NRDE2: variants seen among roughly 807,000 people sequenced by gnomAD.
The protein encoded by NRDE2 is NRDE-2, necessary for RNA interference, domain containing.
In NRDE2, 76 loss-of-function variants were observed where a neutral mutation model predicts 124.2. The observed-to-expected ratio is 0.61, with a 90% confidence interval of 0.51 to 0.74. The LOEUF (loss-of-function observed/expected upper bound fraction) is 0.74, where lower values mean the gene tolerates loss of function less well. Ranked by LOEUF, NRDE2 falls within the 30% of genes least tolerant of loss-of-function variation. The pLI, the probability that NRDE2 is intolerant of heterozygous loss-of-function variation, is 0.00. For synonymous variants in NRDE2, 489 were observed against 528.1 expected (o/e 0.93, Z 1.01); for missense variants, 1,314 against 1,417.3 (o/e 0.93, Z 1.17).
At chr14:90,282,966 G>C (rs1487532599) in intron 12 of NRDE2, among the ~76,000 whole-genome samples, 1 of 152,218 alleles carries the variant, frequency 6.6e-6, no homozygotes, top group Admixed American at 6.5e-5. Flanking sequence ...TGTTGCAAGA[G>C]TATATGTATG....
At chr14:90,278,849 C>G in intron 13 of NRDE2, 1 of 618,178 alleles carries the variant, frequency 1.6e-6, no homozygotes, top group Non-Finnish European at 2.9e-6. Flanking sequence ...GGCAACACTT[C>G]CATGAAGCAC....
intron 10 of NRDE2, 113 bp downstream of exon 10, chr14:90,290,108 G>A (rs1002124100): frequency 3.1e-5 from 35 of 1,141,582 alleles, no homozygotes; most frequent in Non-Finnish European, 4.3e-5. Flanking sequence ...CACTGGAGGA[G>A]GAGGTGCTGG....
At chr14:90,296,511 C>G (rs1165067083) in intron 8 of NRDE2, among the ~76,000 whole-genome samples, 1 of 152,188 alleles carries the variant, frequency 6.6e-6, no homozygotes, top group Non-Finnish European at 1.5e-5. Flanking sequence ...GGGCCCCTCT[C>G]GCTTCTTAGT....
Position 90,278,170 on chromosome 14 carries a change from A to C in NRDE2, c.*166T>G. 1 of 715,110 alleles carries C rather than the reference A, an allele frequency of 1.4e-6. No homozygotes were observed. Among genetic ancestry groups the C allele is most frequent in the Non-Finnish European group, 2.3e-6 (1 of 438,514 alleles). The allele number at this position is 715,110 out of a possible 1,614,324, so 44.3% of individuals were successfully genotyped here. A position where few individuals can be genotyped will look rare whatever the true frequency, so the allele number is the denominator to read the frequency against. ...TAACTTTTGTGTCATTTACACACCC[A>C]AAAAGTGTGCAAGATGTGAGAGGCT... On this transcript the variant is annotated 3_prime_UTR_variant, in exon 14 of 14. Transcript: ENST00000354366.
chr14:90,290,125 G>A (rs1319430653), intron 10 of NRDE2, 96 bp downstream of exon 10: 1 of 1,349,582 alleles, frequency 7.4e-7, no homozygotes, highest in Non-Finnish European at 1.0e-6. Context: ...CTGGGGCATA[G>A]TTCCAGGGAG....
At chr14:90,279,637 C>G (rs574303691) in intron 12 of NRDE2, 32 of 152,922 alleles carry the variant, frequency 2.1e-4, no homozygotes, top group South Asian at 1.4e-3. Flanking sequence ...GGTGCAAGTT[C>G]CATCGGCAAT....
At chr14:90,305,888 T>G (rs1412359026) in intron 4 of NRDE2, among the ~76,000 whole-genome samples, 2 of 152,190 alleles carry the variant, frequency 1.3e-5, no homozygotes, top group African/African-American at 2.4e-5. Context: ...TTACATTGCA[T>G]GTAAATTTTC....
Position 90,270,282 on chromosome 14 carries a change from C to T in NRDE2, c.*8054G>A, listed in dbSNP as rs772023510. On this transcript the variant is annotated 3_prime_UTR_variant, in exon 14 of 14. Coordinates refer to ENST00000354366, the MANE Select transcript of NRDE2 (RefSeq NM_017970.4). ...TTTCAGATTCACACAAGCAGGATGACGCTGGCTGATGATGTAACCCTGGAC... is the reference window on the plus strand; with the variant it reads ...TTTCAGATTCACACAAGCAGGATGATGCTGGCTGATGATGTAACCCTGGAC... The T allele has an allele frequency of 3.1e-6, 5 of 1,613,484 alleles. No individual in the cohort carries two copies. The highest frequency in any genetic ancestry group is 1.3e-5 in the African/African-American group (1 of 74,778).
chr14:90,278,429 G>C lies in NRDE2; in HGVS notation c.3402C>G (p.Pro1134=), dbSNP rs750217500. The C allele has an allele frequency of 1.9e-6, 3 of 1,614,052 alleles. No individual in the cohort carries two copies. Among genetic ancestry groups the C allele is most frequent in the East Asian group, 2.2e-5 (1 of 44,862 alleles). ...GGTCCAGGATCTCCTGCATCTCATC[G>C]GGGAAATACTCCACGGCGTCCAGGT... ...VLYLDAVEYF[P]DEMQEILDLM... is the part of the protein sequence containing the mutation. Residue 1134 remains proline, a synonymous_variant, in exon 14 of 14, where the codon CCC becomes CCG. Coordinates refer to ENST00000354366, the MANE Select transcript of NRDE2 (RefSeq NM_017970.4).
chr14:90,278,531 C>G, intron 13 of NRDE2, 70 bp from the exon 14 acceptor site: 1 of 1,593,928 alleles, frequency 6.3e-7, no homozygotes, highest in Non-Finnish European at 8.6e-7. Flanking sequence ...GCTCAGGAAG[C>G]AAGGGCCAGG....
chr14:90,286,525 A>G lies in NRDE2; in HGVS notation c.3159-33T>C, dbSNP rs1379888102. ...GCAAAGGCTCACGTGACTCTGACAC[A>G]AGCTCTCTCATCCTACATCACAGAA... is the stretch of plus-strand genomic sequence containing the variant. On this transcript the variant is annotated intron_variant, in intron 11 of 13. Coordinates refer to ENST00000354366, the MANE Select transcript of NRDE2 (RefSeq NM_017970.4). The G allele has an allele frequency of 3.1e-6, 5 of 1,603,690 alleles. No homozygotes were observed. In the African/African-American group the frequency reaches 6.7e-5, roughly 22 times the overall value.
Position 90,307,542 on chromosome 14 carries a change from A to G in NRDE2, c.558-3160T>C, listed in dbSNP as rs146869357. On this transcript the variant is annotated intron_variant, in intron 4 of 13. Transcript: ENST00000354366. Reference sequence around the variant, plus strand: ...GGAATTTGACACCAGCCTGGCCAACATGGTGAAACCCCATCTCTACTAAAA... The same window carrying G: ...GGAATTTGACACCAGCCTGGCCAACGTGGTGAAACCCCATCTCTACTAAAA... Among the ~76,000 whole-genome samples the G allele has an allele frequency of 4.7e-4, 72 of 152,282 alleles. 1 individual carries two copies. Among genetic ancestry groups the G allele is most frequent in the Admixed American group, 2.2e-3 (33 of 15,296 alleles).
At chr14:90,321,357 T>C (rs548167718) in intron 1 of NRDE2, among the ~76,000 whole-genome samples, 2 of 152,072 alleles carry the variant, frequency 1.3e-5, no homozygotes, top group East Asian at 3.9e-4. Flanking sequence ...GTGCCACCAC[T>C]GTGCCAGGCT....
chr14:90,304,537 A>G, intron 4 of NRDE2, 155 bp from the exon 5 acceptor site: 1 of 583,486 alleles, frequency 1.7e-6, no homozygotes, highest in East Asian at 2.8e-5. Flanking sequence ...GAGATACACA[A>G]GGACTAGTAA....
Position 90,318,059 on chromosome 14 carries a change from C to G in NRDE2, c.119G>C (p.Ser40Thr). 1 of 1,614,200 alleles carries G rather than the reference C, an allele frequency of 6.2e-7. No individual in the cohort carries two copies. The highest frequency in any genetic ancestry group is 8.5e-7 in the Non-Finnish European group (1 of 1,180,024). Residue 40 changes from serine to threonine, a missense_variant, in exon 2 of 14, where the codon AGC (serine) becomes ACC (threonine). Physicochemically the swap from Ser to Thr is moderately conservative, Grantham distance 58. Coordinates refer to ENST00000354366, the MANE Select transcript of NRDE2 (RefSeq NM_017970.4). ...GGCTGGAGCTGCTTCAGTTTGTTGG[C>G]TCAGGGACGTTATGGATCCAACACA... ...SFCVGSITSLSQQTEAAPAHV... is the reference protein window; with the variant it reads ...SFCVGSITSLTQQTEAAPAHV...
chr14:90,306,583 G>T (rs1363173930), intron 4 of NRDE2, among the ~76,000 whole-genome samples: 1 of 152,186 alleles, frequency 6.6e-6, no homozygotes, highest in Non-Finnish European at 1.5e-5. Flanking sequence ...GGCTGAGGCG[G>T]GTGGATCACC....
chr14:90,278,502 T>C (rs1409676379), intron 13 of NRDE2, 41 bp from the exon 14 acceptor site: 5 of 1,609,980 alleles, frequency 3.1e-6, no homozygotes, highest in Non-Finnish European at 4.2e-6. Flanking sequence ...CAGCCGCCAC[T>C]TCCTGTCAGC....
chr14:90,310,499 C>T (rs940165467), intron 4 of NRDE2, among the ~76,000 whole-genome samples: 4 of 150,592 alleles, frequency 2.7e-5, no homozygotes, highest in Non-Finnish European at 5.9e-5. Flanking sequence ...ACCTCATGTC[C>T]AATCTCTGTT....
chr14:90,314,652 A>G (rs1214113137), intron 3 of NRDE2, among the ~76,000 whole-genome samples: 1 of 152,238 alleles, frequency 6.6e-6, no homozygotes, highest in Non-Finnish European at 1.5e-5. Context: ...AGACGTAACA[A>G]TTAAAGTAGC....
Sources: gnomAD v4.1 joint callset for allele counts (sites outside exome capture counted in the v4.1 genomes callset) on GRCh38, gnomAD v4.1.1 for gene constraint, MANE v1.5 for transcripts, NCBI Gene and HGNC (gene_info 2026-07-23, HGNC 2026-07-21) for gene names.